MAP2K5: variants seen among roughly 807,000 people sequenced by gnomAD.
MAP2K5 encodes dual specificity mitogen-activated protein kinase kinase 5.
MAP2K5 carries 49 observed loss-of-function variants against 83.1 expected under a neutral mutation model. The observed-to-expected ratio is 0.59, with a 90% CI of 0.47 to 0.75. The LOEUF is 0.75. MAP2K5 is among the 30% of genes least tolerant of loss of function. MAP2K5 has a pLI of 0.00. For synonymous variants in MAP2K5, 202 were observed against 191.8 expected (o/e 1.05, Z -0.44); for missense variants, 457 against 557.5 (o/e 0.82, Z 1.82).
At position 67,768,057 on chromosome 15, in the gene MAP2K5, T is replaced by C. The variant is rs1954049222; in HGVS notation, c.1135-1545T>C. ...TTTCTTGTAGCCTCTTCGGTGTTTT[T>C]TGTTGTCTGTTTTTTGTTGTTTTTG... On this transcript the variant is annotated intron_variant, in intron 19 of 21. Transcript: ENST00000178640. This position sits in a 1 kb window ranked among gnomAD's most constrained non-coding sequence, Gnocchi z 4.0. Among the ~76,000 whole-genome samples, 1 of 152,138 alleles carries C rather than the reference T, an allele frequency of 6.6e-6. No homozygotes were observed. Among genetic ancestry groups the C allele is most frequent in the Admixed American group, 6.5e-5 (1 of 15,272 alleles).
chr15:67,699,526 T>C (rs1422248121), intron 15 of MAP2K5, among the ~76,000 whole-genome samples: 1 of 152,176 alleles, frequency 6.6e-6, no homozygotes, highest in African/African-American at 2.4e-5. Flanking sequence ...CTAGCCCTAG[T>C]ATAGATTTAC....
intron 15 of MAP2K5, among the ~76,000 whole-genome samples, chr15:67,694,710 A>G: frequency 6.6e-6 from 1 of 152,124 alleles, no homozygotes; most frequent in Non-Finnish European, 1.5e-5. Flanking sequence ...GCGATTCCTC[A>G]GGGATCTACA....
At chr15:67,796,830 A>C (rs1286275203) in intron 21 of MAP2K5, among the ~76,000 whole-genome samples, 1 of 152,248 alleles carries the variant, frequency 6.6e-6, no homozygotes, top group Non-Finnish European at 1.5e-5. Flanking sequence ...GACAGGAAGT[A>C]GGGTGTCCAG....
intron 3 of MAP2K5, among the ~76,000 whole-genome samples, chr15:67,569,063 A>T (rs1351320624): frequency 6.6e-6 from 1 of 152,002 alleles, no homozygotes; most frequent in Non-Finnish European, 1.5e-5. Flanking sequence ...AAGGTTTAAA[A>T]GTTTTGTCCT....
chr15:67,603,800 GATGATAAAAA>G (rs2085718333), intron 8 of MAP2K5, among the ~76,000 whole-genome samples: 1 of 152,148 alleles, frequency 6.6e-6, no homozygotes, highest in Non-Finnish European at 1.5e-5. Context: ...TAATGGTGTT[GATGATAAAAA>G]ATATGGTTTT....
chr15:67,643,826 C>G (rs112470760), intron 9 of MAP2K5, among the ~76,000 whole-genome samples: 2 of 152,268 alleles, frequency 1.3e-5, no homozygotes, highest in African/African-American at 4.8e-5. Flanking sequence ...TGGCCAATGT[C>G]AGGACTATAA....
rs925304486 is a variant in MAP2K5, at chr15:67,543,223, T to C, written c.-113T>C. ...CTCCCCCTCATCCTCCATTCCCTTG[T>C]TTTCACCCTCTGTCCTCTGCCCGTC... is the stretch of plus-strand genomic sequence containing the variant. On this transcript the variant is annotated 5_prime_UTR_variant, in exon 1 of 22. Transcript: ENST00000178640. This position sits in a 1 kb window ranked among gnomAD's most constrained non-coding sequence, Gnocchi z 4.3. 6.2e-6 allele frequency: 7 copies of C among 1,126,612 alleles called. No homozygotes were observed. Among genetic ancestry groups the C allele is most frequent in the Admixed American group, 1.8e-5 (1 of 54,608 alleles). The allele number at this position is 1,126,612 out of a possible 1,614,324, so 69.8% of individuals were successfully genotyped here. A position where few individuals can be genotyped will look rare whatever the true frequency, so the allele number is the denominator to read the frequency against.
rs143704624 is a variant in MAP2K5 at position 67,589,033 on chromosome 15, C to T, written c.431+2120C>T. Among the ~76,000 whole-genome samples the T allele has an allele frequency of 4.7e-4, 71 of 151,510 alleles. 1 individual carries two copies. The East Asian group carries it at 0.01, about 22-fold the overall frequency. ...TTTTTTAATTTTTAGTTTGTAGAGA[C>T]GGGGTCTCACTGTGCTGCCTAGGCT... On this transcript the variant is annotated intron_variant, in intron 6 of 21. Transcript: ENST00000178640.
rs1240914703 is a variant in MAP2K5, at chr15:67,647,825, C to T, written c.736+1356C>T. On this transcript the variant is annotated intron_variant, in intron 11 of 21. Coordinates refer to ENST00000178640, the MANE Select transcript of MAP2K5 (RefSeq NM_145160.3). ...TGGAGGTTGCAGTGAACCAAGATCGCGCCACTGCACTCCACCCTGGGTGAC... is the reference window on the plus strand; with the variant it reads ...TGGAGGTTGCAGTGAACCAAGATCGTGCCACTGCACTCCACCCTGGGTGAC... 2.0e-5 allele frequency among the ~76,000 whole-genome samples: 3 copies of T among 151,896 alleles called. No individual in the cohort carries two copies. In the East Asian group the frequency reaches 5.8e-4, roughly 29 times the overall value.
At chr15:67,716,517 ATATC>A (rs2088829644) in intron 16 of MAP2K5, among the ~76,000 whole-genome samples, 1 of 152,150 alleles carries the variant, frequency 6.6e-6, no homozygotes, top group Non-Finnish European at 1.5e-5. Context: ...CAACTTTGAG[ATATC>A]CAGTGGTAAA....
chr15:67,668,166 A>G lies in MAP2K5; in HGVS notation c.847+3521A>G, dbSNP rs1384626446. Among the ~76,000 whole-genome samples, 1 of 152,194 alleles carries G rather than the reference A, an allele frequency of 6.6e-6. No individual in the cohort carries two copies. Among genetic ancestry groups the G allele is most frequent in the African/African-American group, 2.4e-5 (1 of 41,448 alleles). ...TATATGTGCAGGGACTTTATAAACT[A>G]TTGAATGCTAAGAATGTGGCATGTT... On this transcript the variant is annotated intron_variant, in intron 13 of 21. Transcript: ENST00000178640. The surrounding 1 kb of genome is among the most constrained non-coding windows in gnomAD (Gnocchi z 4.0).
At chr15:67,662,981 AAGTTGTG>A (rs1007266870) in intron 12 of MAP2K5, among the ~76,000 whole-genome samples, 26 of 152,116 alleles carry the variant, frequency 1.7e-4, no homozygotes, top group African/African-American at 6.3e-4. Flanking sequence ...ACTTACAGAA[AAGTTGTG>A]AGACTAATGC....
intron 17 of MAP2K5, among the ~76,000 whole-genome samples, chr15:67,745,388 T>C (rs899092029): frequency 5.9e-5 from 9 of 152,204 alleles, no homozygotes; most frequent in Admixed American, 3.3e-4. Flanking sequence ...GGACCCTTGG[T>C]TCCACTTTTA....
intron 8 of MAP2K5, among the ~76,000 whole-genome samples, chr15:67,630,519 C>T (rs1020241111): frequency 6.6e-6 from 1 of 152,128 alleles, no homozygotes; most frequent in Admixed American, 6.5e-5. Context: ...AGAGAACCCA[C>T]ATGCACAGTG....
At chr15:67,776,742 C>T (rs576700504) in intron 21 of MAP2K5, among the ~76,000 whole-genome samples, 39 of 152,254 alleles carry the variant, frequency 2.6e-4, no homozygotes, top group African/African-American at 9.4e-4. Flanking sequence ...TTCTCTAAAC[C>T]ACAAGGAATT....
rs62015224 is a variant in MAP2K5, at chr15:67,794,297, T to C, written c.1243-12349T>C. Among the ~76,000 whole-genome samples, 13,607 of 152,284 alleles carry C rather than the reference T, an allele frequency of 0.089. 731 individuals are homozygous for C. Among genetic ancestry groups the C allele is most frequent in the Admixed American group, 0.1 (1,592 of 15,292 alleles). On this transcript the variant is annotated intron_variant, in intron 21 of 21. Transcript: ENST00000178640. This position sits in a 1 kb window ranked among gnomAD's most constrained non-coding sequence, Gnocchi z 4.6. Reference sequence around the variant, plus strand: ...AATACCACAGGTTCTTTGTGTTTTGTTTTAGAAAATATTGCTCAAGGCTAA... The same window carrying C: ...AATACCACAGGTTCTTTGTGTTTTGCTTTAGAAAATATTGCTCAAGGCTAA...
intron 15 of MAP2K5, among the ~76,000 whole-genome samples, chr15:67,699,337 G>A (rs1567369274): frequency 6.6e-6 from 1 of 152,136 alleles, no homozygotes; most frequent in Non-Finnish European, 1.5e-5. Context: ...AAGTCAGAAG[G>A]TCTCAGAGGA....
At position 67,592,911 on chromosome 15, in the gene MAP2K5, A is replaced by T; in HGVS notation, c.432-15A>T. On this transcript the variant is annotated splice_polypyrimidine_tract_variant and intron_variant, in intron 6 of 21. Coordinates refer to ENST00000178640, the MANE Select transcript of MAP2K5 (RefSeq NM_145160.3). ...GTTGATGATCTTGCCACTAAAAATT[A>T]TCTTTCCTTTTCAGCTTAAAGAAGT... is the stretch of plus-strand genomic sequence containing the variant. The T allele has an allele frequency of 6.3e-7, 1 of 1,599,694 alleles. No homozygotes were observed. Among genetic ancestry groups the T allele is most frequent in the Non-Finnish European group, 8.6e-7 (1 of 1,169,052 alleles).
In MAP2K5 at chr15:67,543,430, C is replaced by T; in HGVS notation, c.95C>T (p.Thr32Ile). 1 of 1,614,138 alleles carries T rather than the reference C, an allele frequency of 6.2e-7. No individual in the cohort carries two copies. The highest frequency in any genetic ancestry group is 1.1e-5 in the South Asian group (1 of 91,068). Residue 32 changes from threonine (T) to isoleucine (I), a missense_variant, in exon 1 of 22, where the codon ACA (threonine) becomes ATA (isoleucine). By Grantham distance (89) the Thr-to-Ile change is moderately conservative. This residue lies in a region of MAP2K5 where 234 missense variants were observed against 243.6 expected (regional missense o/e 0.96). Coordinates refer to ENST00000178640, the MANE Select transcript of MAP2K5 (RefSeq NM_145160.3). The surrounding 1 kb of genome is among the most constrained non-coding windows in gnomAD (Gnocchi z 4.3). ...CCAAATAGTGGCGCGGTGGACTGGACAGTGCACTCCGGGCCGCAGTTACTC... is the reference window on the plus strand; with the variant it reads ...CCAAATAGTGGCGCGGTGGACTGGATAGTGCACTCCGGGCCGCAGTTACTC... Reference protein sequence around the residue: ...KIPNSGAVDWTVHSGPQLLFR... With the variant: ...KIPNSGAVDWIVHSGPQLLFR...
Sources: gnomAD v4.1 joint callset for allele counts (sites outside exome capture counted in the v4.1 genomes callset) on GRCh38, gnomAD v4.1.1 for gene constraint, gnomAD v4.1.1 regional missense constraint, Gnocchi (gnomAD v3.1) non-coding constraint, MANE v1.5 for transcripts, NCBI Gene and HGNC (gene_info 2026-07-23, HGNC 2026-07-21) for gene names.